BRAF: variants seen among roughly 807,000 people sequenced by gnomAD.
BRAF encodes the protein serine/threonine-protein kinase B-raf.
BRAF carries 16 observed loss-of-function variants against 104.6 expected under a neutral mutation model. That is an observed-to-expected ratio of 0.15 (90% CI 0.10 to 0.23). The LOEUF is 0.23. BRAF is among the 10% of genes least tolerant of loss of function. The pLI, the probability that BRAF is intolerant of heterozygous loss-of-function variation, is 1.00. For missense variants in BRAF, 541 were observed against 937.3 expected (o/e 0.58, Z 5.52); for synonymous variants, 310 against 341.6 (o/e 0.91, Z 1.02).
At chr7:140,767,969 T>A (rs550264068) in intron 14 of BRAF, among the ~76,000 whole-genome samples, 2 of 152,158 alleles carry the variant, frequency 1.3e-5, no homozygotes, top group Non-Finnish European at 1.5e-5. Context: ...ATAGTTGGCA[T>A]AAAGAAAAAG....
Position 140,725,354 on chromosome 7 carries a change from T to C in BRAF, c.*1140A>G, listed in dbSNP as rs1795541246. 1 of 990,576 alleles carries C rather than the reference T, an allele frequency of 1.0e-6. No homozygotes were observed. Among genetic ancestry groups the C allele is most frequent in the Non-Finnish European group, 1.2e-6 (1 of 818,038 alleles). 61.4% of individuals were successfully genotyped at this position (990,576 alleles called of 1,614,324 possible). On this transcript the variant is annotated 3_prime_UTR_variant, in exon 20 of 20. Coordinates refer to ENST00000644969, the MANE Select transcript of BRAF (RefSeq NM_001374258.1). The stretch of plus-strand genomic sequence containing the variant: ...CATATTTAGGTAGAGAAAAGGATAA[T>C]GATCTTTCTTAAAAGTTGTTTATAT...
At chr7:140,775,349 CTT>C (rs760401887) in intron 14 of BRAF, among the ~76,000 whole-genome samples, 25 of 141,856 alleles carry the variant, frequency 1.8e-4, no homozygotes, top group Admixed American at 2.1e-4. Flanking sequence ...GATTTTAATT[CTT>C]TTTTTTTTTT....
At chr7:140,833,345 C>A (rs1806986516) in intron 3 of BRAF, among the ~76,000 whole-genome samples, 1 of 152,180 alleles carries the variant, frequency 6.6e-6, no homozygotes, top group Non-Finnish European at 1.5e-5. Flanking sequence ...GACTGAAGAA[C>A]ACATTTCCTA....
chr7:140,843,481 T>G (rs1381547490), intron 2 of BRAF, among the ~76,000 whole-genome samples: 4 of 152,248 alleles, frequency 2.6e-5, no homozygotes, highest in African/African-American at 9.6e-5. Flanking sequence ...AGAAACTTAT[T>G]CTTGAAGGGT....
At chr7:140,867,209 C>T (rs575146689) in intron 1 of BRAF, among the ~76,000 whole-genome samples, 1 of 151,890 alleles carries the variant, frequency 6.6e-6, no homozygotes, top group South Asian at 2.1e-4. Flanking sequence ...TTAAAAAAAA[C>T]TTGGCCCAAG....
chr7:140,867,018 A>G lies in BRAF; in HGVS notation c.139-16806T>C, dbSNP rs151271956. Among the ~76,000 whole-genome samples, 353 of 152,282 alleles carry G rather than the reference A, an allele frequency of 2.3e-3. 1 individual carries two copies. The highest frequency in any genetic ancestry group is 0.014 in the Middle Eastern group (4 of 294). The stretch of plus-strand genomic sequence containing the variant: ...AAAGATTTTGCAACTTCTCCATAAT[A>G]TAAGATTGCTCCAGCTTTCAATTCC... On this transcript the variant is annotated intron_variant, in intron 1 of 19. Coordinates refer to ENST00000644969, the MANE Select transcript of BRAF (RefSeq NM_001374258.1).
chr7:140,785,700 G>A lies in BRAF; in HGVS notation c.1286C>T (p.Pro429Leu), dbSNP rs1586155498. The A allele has an allele frequency of 1.3e-5, 5 of 399,084 alleles. No individual in the cohort carries two copies. In the East Asian group the frequency reaches 1.8e-4, roughly 14 times the overall value. The allele number at this position is 399,084 out of a possible 1,614,324, so 24.7% of individuals were successfully genotyped here. Residue 429 changes from proline to leucine, a missense_variant, in exon 10 of 20, where the codon CCA (proline) becomes CTA (leucine). Around this residue, in one of 10 missense-constraint regions of BRAF, gnomAD observed 109 missense variants for 143.9 expected, o/e 0.76. Transcript: ENST00000644969. ...AAGAGCCCAACTACCTCTGAACACTGGGCCAGGCTCAAAATCAAACACTAT... is the reference window on the plus strand; with the variant it reads ...AAGAGCCCAACTACCTCTGAACACTAGGCCAGGCTCAAAATCAAACACTAT... Reference protein sequence around the residue: ...SEIVFDFEPGPVFRGSTTGLS... With the variant: ...SEIVFDFEPGLVFRGSTTGLS...
intron 1 of BRAF, among the ~76,000 whole-genome samples, chr7:140,857,158 T>A (rs1809875127): frequency 6.6e-6 from 1 of 152,110 alleles, no homozygotes; most frequent in Non-Finnish European, 1.5e-5. Context: ...AGCATACTTA[T>A]AAGAGGGAAA....
chr7:140,841,236 T>C (rs1393626146), intron 2 of BRAF, among the ~76,000 whole-genome samples: 1 of 152,004 alleles, frequency 6.6e-6, no homozygotes, highest in Non-Finnish European at 1.5e-5. Context: ...AAATAGATAA[T>C]AACAAGGGTT....
intron 12 of BRAF, chr7:140,779,986 A>G (rs929802305): frequency 3.3e-5 from 5 of 152,170 alleles, no homozygotes; most frequent in Non-Finnish European, 7.3e-5. Context: ...ACCTGTATGT[A>G]TATTTTAATA....
chr7:140,749,476 C>A (rs1585998846), intron 16 of BRAF, 58 bp from the exon 16 acceptor site: 1 of 1,560,844 alleles, frequency 6.4e-7, no homozygotes, highest in South Asian at 1.1e-5. Context: ...GACTGAAAAA[C>A]AACCTACTAT....
In BRAF at chr7:140,723,848, C is replaced by A. The variant is rs1425481914; in HGVS notation, c.*2646G>T. On this transcript the variant is annotated 3_prime_UTR_variant, in exon 20 of 20. Transcript: ENST00000644969. ...AAGTGCTTTTCACAAATAAGGACTT[C>A]TTCCTCGTTTTTTTAGGAGCTCAGT... 1 of 1,046,200 alleles carries A rather than the reference C, an allele frequency of 9.6e-7. No individual in the cohort carries two copies. Among genetic ancestry groups the A allele is most frequent in the East Asian group, 5.6e-5 (1 of 17,750 alleles). 64.8% of individuals were successfully genotyped at this position (1,046,200 alleles called of 1,614,324 possible). A position where few individuals can be genotyped will look rare whatever the true frequency, so the allele number is the denominator to read the frequency against.
intron 1 of BRAF, among the ~76,000 whole-genome samples, chr7:140,923,480 A>G (rs2129151506): frequency 6.6e-6 from 1 of 152,328 alleles, no homozygotes; most frequent in South Asian, 2.1e-4. Flanking sequence ...AGGCTGAGAG[A>G]AGCAAGGACT....
At chr7:140,821,805 A>G (rs1414437473) in intron 3 of BRAF, among the ~76,000 whole-genome samples, 1 of 152,232 alleles carries the variant, frequency 6.6e-6, no homozygotes, top group Non-Finnish European at 1.5e-5. Flanking sequence ...TATTCACAAT[A>G]GCAAAGGCAT....
chr7:140,729,687 A>G (rs1026481689), intron 19 of BRAF, among the ~76,000 whole-genome samples: 1 of 152,160 alleles, frequency 6.6e-6, no homozygotes, highest in Admixed American at 6.5e-5. Flanking sequence ...CTGAGGCAGG[A>G]GAATCACTTG....
chr7:140,897,059 C>CTT (rs769606077), intron 1 of BRAF, among the ~76,000 whole-genome samples: 5 of 138,538 alleles, frequency 3.6e-5, no homozygotes, highest in African/African-American at 1.3e-4. Flanking sequence ...CAACCTAATT[C>CTT]TTTTTTTTTT....
At chr7:140,757,074 T>C (rs1369047892) in intron 14 of BRAF, among the ~76,000 whole-genome samples, 1 of 152,216 alleles carries the variant, frequency 6.6e-6, no homozygotes, top group Non-Finnish European at 1.5e-5. Context: ...TTGTGATTGT[T>C]ATGGCAGCCA....
chr7:140,779,883 G>A (rs1800694582), intron 12 of BRAF: 1 of 152,256 alleles, frequency 6.6e-6, no homozygotes, highest in African/African-American at 2.4e-5. Flanking sequence ...AGTGAGTTGA[G>A]ATTGTGCCAC....
chr7:140,746,982 T>C (rs903397828), intron 17 of BRAF, among the ~76,000 whole-genome samples: 1 of 152,062 alleles, frequency 6.6e-6, no homozygotes, highest in East Asian at 1.9e-4. Flanking sequence ...CCTCAGACTA[T>C]GGGTATGAGA....
Sources: gnomAD v4.1 joint callset for allele counts (sites outside exome capture counted in the v4.1 genomes callset) on GRCh38, gnomAD v4.1.1 for gene constraint, gnomAD v4.1.1 regional missense constraint, MANE v1.5 for transcripts, NCBI Gene and HGNC (gene_info 2026-07-23, HGNC 2026-07-21) for gene names.